Variants in PCMTD2 observed in about 807,000 individuals in gnomAD.
The protein encoded by PCMTD2 is protein-L-isoaspartate (D-aspartate) O-methyltransferase domain containing 2.
Under a neutral mutation model 33.4 loss-of-function variants are expected in PCMTD2, and 16 were observed. The ratio of observed to expected loss-of-function variants is 0.48; its 90% confidence interval spans 0.32 to 0.73. The LOEUF (loss-of-function observed/expected upper bound fraction) is 0.73, where lower values mean the gene tolerates loss of function less well. Among genes scored for constraint, PCMTD2 ranks in the 30% least tolerant of loss-of-function variants. The pLI, the probability that PCMTD2 is intolerant of heterozygous loss-of-function variation, is 0.03. For missense variants in PCMTD2, 374 were observed against 449.9 expected (o/e 0.83, Z 1.53); for synonymous variants, 161 against 160.8 (o/e 1.00, Z -0.01).
chr20:64,263,853 T>C (rs1363294901), intron 2 of PCMTD2, among the ~76,000 whole-genome samples: 1 of 152,242 alleles, frequency 6.6e-6, no homozygotes, highest in African/African-American at 2.4e-5. Flanking sequence ...TTAAGTTGAG[T>C]GTCAATACTG....
intron 3 of PCMTD2, 73 bp downstream of exon 3, chr20:64,264,604 G>T (rs958421432): frequency 1.6e-5 from 12 of 773,498 alleles, no homozygotes; most frequent in African/African-American, 1.2e-4. Context: ...CAGATAGAAA[G>T]AAATCATGTG....
At chr20:64,269,978 T>C (rs1166866389) in intron 5 of PCMTD2, among the ~76,000 whole-genome samples, 1 of 143,924 alleles carries the variant, frequency 6.9e-6, no homozygotes, top group Middle Eastern at 4.2e-3. Flanking sequence ...TGTGGGGTCC[T>C]GTGAGTGCGG....
Position 64,273,654 on chromosome 20 carries a change from C to T in PCMTD2, c.*54C>T, listed in dbSNP as rs932880426. On this transcript the variant is annotated 3_prime_UTR_variant, in exon 6 of 6. Coordinates refer to ENST00000308824, the MANE Select transcript of PCMTD2 (RefSeq NM_018257.3). The stretch of plus-strand genomic sequence containing the variant: ...AGAGCAGATTGCTGAGTGTGAAGTT[C>T]GTGCTGCCTGTGTGCTGTTGAAGGG... 2.6e-5 allele frequency: 38 copies of T among 1,474,456 alleles called. No individual in the cohort carries two copies. Among genetic ancestry groups the T allele is most frequent in the African/African-American group, 2.4e-4 (17 of 70,832 alleles). The allele number at this position is 1,474,456 out of a possible 1,614,324, so 91.3% of individuals were successfully genotyped here.
chr20:64,265,458 T>C (rs1985617251), intron 4 of PCMTD2, 29 bp downstream of exon 4: 4 of 1,560,316 alleles, frequency 2.6e-6, no homozygotes, highest in Non-Finnish European at 3.5e-6. Context: ...CTGACATTTC[T>C]GCACACTGTG....
At position 64,273,411 on chromosome 20, in the gene PCMTD2, C is replaced by T. The variant is rs1568738760; in HGVS notation, c.897C>T (p.Ala299=). The part of the protein sequence containing the change: ...TIVFLDKEVF[A]SRISNPSDDN... Reference sequence around the variant, plus strand: ...TCTTTTTGGACAAAGAAGTCTTTGCCAGTCGGATTTCCAACCCCTCAGATG... The same window carrying T: ...TCTTTTTGGACAAAGAAGTCTTTGCTAGTCGGATTTCCAACCCCTCAGATG... Residue 299 remains alanine, a synonymous_variant, in exon 6 of 6, where the codon GCC becomes GCT. Coordinates refer to ENST00000308824, the MANE Select transcript of PCMTD2 (RefSeq NM_018257.3). 6.2e-7 allele frequency: 1 copy of T among 1,614,042 alleles called. No individual in the cohort carries two copies. Among genetic ancestry groups the T allele is most frequent in the Non-Finnish European group, 8.5e-7 (1 of 1,179,926 alleles).
At chr20:64,264,009 T>C (rs1568733983) in intron 2 of PCMTD2, among the ~76,000 whole-genome samples, 3 of 152,232 alleles carry the variant, frequency 2.0e-5, no homozygotes, top group African/African-American at 7.2e-5. Flanking sequence ...GAAGCATAGT[T>C]TTATCTTAAT....
In PCMTD2 at chr20:64,260,263, C is replaced by T. The variant is rs1985349450; in HGVS notation, c.298C>T (p.Leu100Phe). 1.2e-5 allele frequency: 19 copies of T among 1,607,494 alleles called. No homozygotes were observed. Among genetic ancestry groups the T allele is most frequent in the Non-Finnish European group, 1.6e-5 (19 of 1,174,166 alleles). ...TGGGTATCTCAGCTCCATGGTGGGC[C>T]TCATTCTAGGTAAGTGTGGAAGGAG... The part of the protein sequence containing the change: ...GTGYLSSMVG[L>F]ILGPFGVNHG... Residue 100 changes from leucine to phenylalanine, a missense_variant, in exon 2 of 6, where the codon CTC becomes TTC. Coordinates refer to ENST00000308824, the MANE Select transcript of PCMTD2 (RefSeq NM_018257.3).
At position 64,260,141 on chromosome 20, in the gene PCMTD2, G is replaced by C. The variant is rs1200638387; in HGVS notation, c.176G>C (p.Gly59Ala). 1.2e-6 allele frequency: 2 copies of C among 1,613,732 alleles called. No individual in the cohort carries two copies. The highest frequency in any genetic ancestry group is 8.5e-7 in the Non-Finnish European group (1 of 1,179,632). The change falls in exon 2 of 6, where the codon GGA (glycine) becomes GCA (alanine). Residue 59 changes from glycine to alanine, a missense_variant. Gly to Ala is a moderately conservative substitution (Grantham distance 60). Transcript: ENST00000308824. Reference protein sequence around the residue: ...NAYKDLAWKHGNIHLSAPCIY... With the variant: ...NAYKDLAWKHANIHLSAPCIY... ...TATAAAGACTTGGCATGGAAGCATGGAAACATTCACCTCTCAGCCCCGTGC... is the reference window on the plus strand; with the variant it reads ...TATAAAGACTTGGCATGGAAGCATGCAAACATTCACCTCTCAGCCCCGTGC...
At chr20:64,259,452 G>A (rs1403639469) in intron 1 of PCMTD2, among the ~76,000 whole-genome samples, 3 of 147,856 alleles carry the variant, frequency 2.0e-5, no homozygotes, top group Admixed American at 6.9e-5. Context: ...GCAGTGGTAC[G>A]AGCTCTGATC....
rs192380523 is a variant in PCMTD2, at chr20:64,258,208, G to A, written c.-24-1734G>A. On this transcript the variant is annotated intron_variant, in intron 1 of 5. Coordinates refer to ENST00000308824, the MANE Select transcript of PCMTD2 (RefSeq NM_018257.3). ...CTTAAGCATCCAAACACATGATTCC[G>A]CTTTTAACCACTGACCCAAATTTTA... Among the ~76,000 whole-genome samples the A allele has an allele frequency of 1.8e-4, 27 of 152,220 alleles. No homozygotes were observed. In the East Asian group the frequency reaches 4.1e-3, roughly 23 times the overall value.
At chr20:64,268,153 T>TAAACGTTTTTTTATAA in intron 5 of PCMTD2, 143 bp downstream of exon 5, 2 of 563,362 alleles carry the variant, frequency 3.6e-6, no homozygotes, top group South Asian at 5.9e-5. Context: ...CTACAAGCAA[T>TAAACGTTTTTTTATAA]TTCAGGCATT....
chr20:64,263,906 C>T (rs1601742450), intron 2 of PCMTD2, among the ~76,000 whole-genome samples: 1 of 152,316 alleles, frequency 6.6e-6, no homozygotes, highest in East Asian at 1.9e-4. Context: ...CGGGGGAGCA[C>T]TGTCATCATT....
chr20:64,268,036 T>C (rs770905609), intron 5 of PCMTD2, 26 bp downstream of exon 5: 1 of 1,573,486 alleles, frequency 6.4e-7, no homozygotes, highest in Non-Finnish European at 8.7e-7. Flanking sequence ...TTTACTTATT[T>C]TATCTTTTAG....
In PCMTD2 at chr20:64,265,296, G is replaced by C; in HGVS notation, c.449G>C (p.Cys150Ser). 1 of 1,607,472 alleles carries C rather than the reference G, an allele frequency of 6.2e-7. No homozygotes were observed. Among genetic ancestry groups the C allele is most frequent in the Non-Finnish European group, 8.5e-7 (1 of 1,178,018 alleles). ...FCEPSFVTGN[C>S]LEISPDCSQY... is the part of the protein sequence containing the mutation. The stretch of plus-strand genomic sequence containing the variant: ...GAACCTTCCTTTGTTACTGGGAATT[G>C]CCTGGAGATTTCTCCGGATTGTTCT... Residue 150 changes from cysteine (C) to serine (S), a missense_variant, in exon 4 of 6, where the codon TGC (cysteine) becomes TCC (serine). Cys to Ser is a moderately radical substitution (Grantham distance 112). Transcript: ENST00000308824.
Position 64,265,823 on chromosome 20 carries a change from C to CA in PCMTD2, c.582+395dup, listed in dbSNP as rs1985635875. Among the ~76,000 whole-genome samples, 8 of 152,134 alleles carry CA rather than the reference C, an allele frequency of 5.3e-5. No individual in the cohort carries two copies. In the South Asian group the frequency reaches 1.5e-3, roughly 28 times the overall value. ...ATATAAAATAGAGTCATTCTATTCT[C>CA]ATCATTAGTCTAATTGTTACATGCC... is the stretch of plus-strand genomic sequence containing the variant. On this transcript the variant is annotated intron_variant, in intron 4 of 5. Transcript: ENST00000308824.
chr20:64,268,480 G>T (rs972467940), intron 5 of PCMTD2, among the ~76,000 whole-genome samples: 2 of 152,180 alleles, frequency 1.3e-5, no homozygotes, highest in Non-Finnish European at 2.9e-5. Flanking sequence ...GAGACTTTCC[G>T]TGGAACCTTA....
At chr20:64,256,680 G>A (rs1219318065) in intron 1 of PCMTD2, 1 of 152,234 alleles carries the variant, frequency 6.6e-6, no homozygotes, top group Non-Finnish European at 1.5e-5. Flanking sequence ...CTACACTCAG[G>A]TGATGAGAGG....
intron 2 of PCMTD2, among the ~76,000 whole-genome samples, chr20:64,260,704 T>TG (rs1985376157): frequency 6.9e-6 from 1 of 144,974 alleles, no homozygotes; most frequent in Non-Finnish European, 1.5e-5. Context: ...TTTGTTTTGT[T>TG]GGTTTTTTTT....
At chr20:64,261,687 T>C (rs956003961) in intron 2 of PCMTD2, among the ~76,000 whole-genome samples, 20 of 152,322 alleles carry the variant, frequency 1.3e-4, no homozygotes, top group African/African-American at 4.8e-4. Context: ...GATTGCTACC[T>C]TCAGGTGTAA....
Sources: allele counts gnomAD v4.1 joint callset (sites outside exome capture counted in the v4.1 genomes callset), GRCh38; gene constraint gnomAD v4.1.1; transcripts MANE v1.5; gene names NCBI Gene and HGNC (gene_info 2026-07-23, HGNC 2026-07-21).